Variants in IL1RAPL2 observed in about 807,000 individuals in gnomAD.
IL1RAPL2 encodes X-linked interleukin-1 receptor accessory protein-like 2.
IL1RAPL2 carries 3 observed loss-of-function variants against 44.1 expected under a neutral mutation model. The ratio of observed to expected loss-of-function variants is 0.07; its 90% CI spans 0.03 to 0.18. The LOEUF (loss-of-function observed/expected upper bound fraction) is 0.18, where lower values mean the gene tolerates loss of function less well. Ranked by LOEUF, IL1RAPL2 falls within the 10% of genes least tolerant of loss-of-function variation. IL1RAPL2 has a pLI of 1.00. For missense variants in IL1RAPL2, 391 were observed against 496.4 expected (o/e 0.79, Z 2.02); for synonymous variants, 181 against 178.8 (o/e 1.01, Z -0.10).
chrX:104,637,645 C>T (rs1398936891), intron 1 of IL1RAPL2, among the ~76,000 whole-genome samples: 2 of 110,984 alleles, frequency 1.8e-5, no homozygotes, highest in Non-Finnish European at 3.8e-5. Flanking sequence ...ACCATCCTTG[C>T]AACCCTGGAA....
At chrX:105,661,127 G>A (rs1418094189) in intron 6 of IL1RAPL2, among the ~76,000 whole-genome samples, 3 of 111,656 alleles carry the variant, frequency 2.7e-5, no homozygotes, top group African/African-American at 3.3e-5. Context: ...AAAAAGAGCA[G>A]GAGTAGCTAT....
Position 105,223,871 on chromosome X carries a change from G to T in IL1RAPL2, c.357-9947G>T, listed in dbSNP as rs185897529. Among the ~76,000 whole-genome samples, 530 of 111,737 alleles carry T rather than the reference G, an allele frequency of 4.7e-3. 6 individuals carry two copies. The highest frequency in any genetic ancestry group is 0.016 in the African/African-American group (502 of 30,784). On this transcript the variant is annotated intron_variant, in intron 3 of 10. Transcript: ENST00000372582. The stretch of plus-strand genomic sequence containing the variant: ...ACAAGTGATGCCTCAAATCGTAATA[G>T]ATATGAGGAAAAATAGACTATAGAG...
intron 6 of IL1RAPL2, among the ~76,000 whole-genome samples, chrX:105,666,062 G>A (rs1335168153): frequency 5.1e-5 from 5 of 97,381 alleles, no homozygotes; most frequent in Admixed American, 1.1e-4. Context: ...GCGCCCGGCC[G>A]TAATAGTTTT....
intron 2 of IL1RAPL2, among the ~76,000 whole-genome samples, chrX:104,681,183 C>G (rs974170576): frequency 8.9e-6 from 1 of 112,277 alleles, no homozygotes; most frequent in Non-Finnish European, 1.9e-5. Flanking sequence ...ACATATAATA[C>G]TCTCAATAAA....
chrX:104,713,890 T>C (rs968431292), intron 2 of IL1RAPL2, among the ~76,000 whole-genome samples: 1 of 110,925 alleles, frequency 9.0e-6, no homozygotes, highest in African/African-American at 3.3e-5. Context: ...TTTGCCTAAA[T>C]TTAAGGGGGC....
chrX:105,613,361 C>G, intron 6 of IL1RAPL2, among the ~76,000 whole-genome samples: 1 of 112,331 alleles, frequency 8.9e-6, no homozygotes, highest in Non-Finnish European at 1.9e-5. Flanking sequence ...CAGTGAGACT[C>G]TGAGACTAGC....
intron 5 of IL1RAPL2, among the ~76,000 whole-genome samples, chrX:105,297,582 C>A (rs780190936): frequency 5.4e-5 from 6 of 110,604 alleles, no homozygotes; most frequent in Non-Finnish European, 1.1e-4. Flanking sequence ...GGAGAAGCGC[C>A]AGACACTTAT....
intron 2 of IL1RAPL2, among the ~76,000 whole-genome samples, chrX:105,127,530 CA>C (rs1289669529): frequency 9.1e-6 from 1 of 110,440 alleles, no homozygotes; most frequent in Non-Finnish European, 1.9e-5. Context: ...TTTCAGTTTC[CA>C]ACTATATTAG....
intron 5 of IL1RAPL2, among the ~76,000 whole-genome samples, chrX:105,431,505 A>G (rs1490272702): frequency 9.0e-6 from 1 of 111,608 alleles, no homozygotes; most frequent in Non-Finnish European, 1.9e-5. Flanking sequence ...GCCTTGGGGA[A>G]CATGATCTGA....
chrX:104,611,836 C>CAAAAAA (rs57729757), intron 1 of IL1RAPL2, among the ~76,000 whole-genome samples: 5 of 39,955 alleles, frequency 1.3e-4, no homozygotes, highest in Non-Finnish European at 1.7e-4. Context: ...GACTCCATCT[C>CAAAAAA]AAAAAAAAAA....
intron 5 of IL1RAPL2, among the ~76,000 whole-genome samples, chrX:105,434,494 G>A (rs1211227619): frequency 8.9e-6 from 1 of 112,301 alleles, no homozygotes; most frequent in Non-Finnish European, 1.9e-5. Context: ...AAATTGTGGT[G>A]CATCCACACA....
At chrX:104,604,053 A>G (rs1928945694) in intron 1 of IL1RAPL2, among the ~76,000 whole-genome samples, 1 of 112,141 alleles carries the variant, frequency 8.9e-6, no homozygotes, top group Non-Finnish European at 1.9e-5. Context: ...GGGCAGCCAG[A>G]GAGAAAGGTC....
At chrX:105,636,520 A>AC (rs1003156792) in intron 6 of IL1RAPL2, among the ~76,000 whole-genome samples, 1 of 110,872 alleles carries the variant, frequency 9.0e-6, no homozygotes, top group East Asian at 2.8e-4. Context: ...AAAATTTACA[A>AC]CCCCCCACCC....
chrX:105,455,707 T>A (rs1602420489), intron 5 of IL1RAPL2, among the ~76,000 whole-genome samples: 1 of 112,217 alleles, frequency 8.9e-6, no homozygotes, highest in Non-Finnish European at 1.9e-5. Flanking sequence ...CGTACCATCC[T>A]GTTTTGGTTG....
In IL1RAPL2 at chrX:105,325,541, T is replaced by TTATATATATATATA. The variant is rs3035842; in HGVS notation, c.697+58023_697+58036dup. Among the ~76,000 whole-genome samples, 174 of 76,029 alleles carry TTATATATATATATA rather than the reference T, an allele frequency of 2.3e-3. 1 individual carries two copies. Among genetic ancestry groups the TTATATATATATATA allele is most frequent in the African/African-American group, 0.011 (153 of 14,306 alleles). 66.0% of individuals were successfully genotyped at this position (76,029 alleles called of 115,157 possible). ...TGTTTTCATTTTATCTCTCTTGGTT[T>TTATATATATATATA]TATATATATATATATATATATATAT... is the stretch of plus-strand genomic sequence containing the variant. On this transcript the variant is annotated intron_variant, in intron 5 of 10. Coordinates refer to ENST00000372582, the MANE Select transcript of IL1RAPL2 (RefSeq NM_017416.2).
chrX:104,938,205 A>G (rs1569346339), intron 2 of IL1RAPL2, among the ~76,000 whole-genome samples: 1 of 112,452 alleles, frequency 8.9e-6, no homozygotes, highest in Non-Finnish European at 1.9e-5. Context: ...ACTTGTTCAG[A>G]AATTTCTCTT....
intron 6 of IL1RAPL2, among the ~76,000 whole-genome samples, chrX:105,564,602 C>G (rs1277983988): frequency 8.9e-6 from 1 of 111,809 alleles, no homozygotes; most frequent in Non-Finnish European, 1.9e-5. Context: ...CAATTTTTCC[C>G]TTTTTAATAG....
intron 5 of IL1RAPL2, among the ~76,000 whole-genome samples, chrX:105,356,160 G>GTA (rs374832724): frequency 8.0e-5 from 8 of 99,380 alleles, no homozygotes; most frequent in African/African-American, 2.9e-4. Context: ...ATGTGTGTGT[G>GTA]TATGTGTGTG....
At chrX:104,640,795 C>T (rs1299375667) in intron 1 of IL1RAPL2, among the ~76,000 whole-genome samples, 2 of 112,095 alleles carry the variant, frequency 1.8e-5, no homozygotes, top group African/African-American at 3.2e-5. Flanking sequence ...TCCTTAGTAG[C>T]TTAGGGTATG....
Sources: allele counts gnomAD v4.1 joint callset (sites outside exome capture counted in the v4.1 genomes callset), GRCh38; gene constraint gnomAD v4.1.1; transcripts MANE v1.5; gene names NCBI Gene and HGNC (gene_info 2026-07-23, HGNC 2026-07-21).